CCNA2: variants seen among roughly 807,000 people sequenced by gnomAD.
CCNA2 encodes cyclin-A2.
CCNA2 carries 3 observed loss-of-function variants against 49.4 expected under a neutral mutation model. The observed-to-expected ratio is 0.06, with a 90% CI of 0.03 to 0.16. CCNA2 has a LOEUF of 0.16. CCNA2 is among the 10% of genes least tolerant of loss of function. CCNA2 has a pLI of 1.00. For synonymous variants in CCNA2, 206 were observed against 197.2 expected (o/e 1.04, Z -0.37); for missense variants, 372 against 519.7 (o/e 0.72, Z 2.76).
In CCNA2 at chr4:121,820,865, T is replaced by C; in HGVS notation, c.571-100A>G. 3.2e-6 allele frequency: 4 copies of C among 1,237,934 alleles called. No individual in the cohort carries two copies. The South Asian group carries it at 5.5e-5, about 17-fold the overall frequency. 76.7% of individuals were successfully genotyped at this position (1,237,934 alleles called of 1,614,324 possible). A position where few individuals can be genotyped will look rare whatever the true frequency, so the allele number is the denominator to read the frequency against. ...TACGAGAGGCTACATGCTATAAACT[T>C]AACTGTAGCATTAGAATAATTCATT... is the stretch of plus-strand genomic sequence containing the variant. On this transcript the variant is annotated intron_variant, in intron 3 of 7. Transcript: ENST00000274026. The surrounding 1 kb of genome is among the most constrained non-coding windows in gnomAD (Gnocchi z 4.1).
chr4:121,822,325 A>T (rs1291382954), intron 2 of CCNA2, 78 bp downstream of exon 2: 1 of 1,414,134 alleles, frequency 7.1e-7, no homozygotes, highest in African/African-American at 1.4e-5. Context: ...TACATAAGAC[A>T]TCTTAAAATG....
Position 121,819,416 on chromosome 4 carries a change from G to A in CCNA2, c.958C>T (p.Leu320=). 1.2e-6 allele frequency: 2 copies of A among 1,614,112 alleles called. No homozygotes were observed. Among genetic ancestry groups the A allele is most frequent in the Non-Finnish European group, 1.7e-6 (2 of 1,179,990 alleles). ...TVNQFLTQYF[L]HQQPANCKVE... is the part of the protein sequence containing the mutation. ...TTGCAGTTTGCAGGCTGCTGATGCA[G>A]AAAGTATTGGGTAAGAAACTGATTT... The change falls in exon 5 of 8, where the codon CTG becomes TTG. Residue 320 remains leucine (L), a synonymous_variant. Transcript: ENST00000274026.
In CCNA2 at chr4:121,816,976, G is replaced by GT. The variant is rs1724544863; in HGVS notation, c.*661dup. 5.7e-6 allele frequency: 6 copies of GT among 1,055,688 alleles called. No homozygotes were observed. The highest frequency in any genetic ancestry group is 2.2e-5 in the South Asian group (1 of 45,998). 65.4% of individuals were successfully genotyped at this position (1,055,688 alleles called of 1,614,324 possible). A position where few individuals can be genotyped will look rare whatever the true frequency, so the allele number is the denominator to read the frequency against. On this transcript the variant is annotated 3_prime_UTR_variant, in exon 8 of 8. Coordinates refer to ENST00000274026, the MANE Select transcript of CCNA2 (RefSeq NM_001237.5). ...AAAATCTAGCAGGATTTTAAAAATA[G>GT]TTTTTTGTTTTTAATGTGCTTTAAA...
At position 121,823,799 on chromosome 4, in the gene CCNA2, G is replaced by T; in HGVS notation, c.-171C>A. The T allele has an allele frequency of 7.8e-7, 1 of 1,281,614 alleles. No individual in the cohort carries two copies. Among genetic ancestry groups the T allele is most frequent in the Non-Finnish European group, 1.0e-6 (1 of 968,520 alleles). 79.4% of individuals were successfully genotyped at this position (1,281,614 alleles called of 1,614,324 possible). ...GCTCACCCAGCTCGAGACCACGCAGGGCCGAGGAGGTTGCGAAAGGCGCAG... is the reference window on the plus strand; with the variant it reads ...GCTCACCCAGCTCGAGACCACGCAGTGCCGAGGAGGTTGCGAAAGGCGCAG... On this transcript the variant is annotated 5_prime_UTR_variant, in exon 1 of 8. Coordinates refer to ENST00000274026, the MANE Select transcript of CCNA2 (RefSeq NM_001237.5).
Position 121,820,015 on chromosome 4 carries a change from G to A in CCNA2, c.795-436C>T, listed in dbSNP as rs923088491. Reference sequence around the variant, plus strand: ...GAGTGCAGTGGTGCAATCTTAGCTCGCTGCAACTTCCACCTCCTGGGTTCA... The same window carrying A: ...GAGTGCAGTGGTGCAATCTTAGCTCACTGCAACTTCCACCTCCTGGGTTCA... On this transcript the variant is annotated intron_variant, in intron 4 of 7. Coordinates refer to ENST00000274026, the MANE Select transcript of CCNA2 (RefSeq NM_001237.5). This position sits in a 1 kb window ranked among gnomAD's most constrained non-coding sequence, Gnocchi z 4.1. Among the ~76,000 whole-genome samples, 6 of 146,674 alleles carry A rather than the reference G, an allele frequency of 4.1e-5. No individual in the cohort carries two copies. The highest frequency in any genetic ancestry group is 2.8e-4 in the Admixed American group (4 of 14,178).
At chr4:121,817,805 T>G in intron 7 of CCNA2, 119 bp from the exon 8 acceptor site, 1 of 1,393,098 alleles carries the variant, frequency 7.2e-7, no homozygotes, top group Middle Eastern at 2.2e-4. Flanking sequence ...TCTGACCGAC[T>G]TGATGGTTTT....
rs1472939216 is a variant in CCNA2 at position 121,820,845 on chromosome 4, G to GA, written c.571-81dup. ...TAGATTATTTTACCATTAATTACGA[G>GA]AGGCTACATGCTATAAACTTAACTG... On this transcript the variant is annotated intron_variant, in intron 3 of 7. Coordinates refer to ENST00000274026, the MANE Select transcript of CCNA2 (RefSeq NM_001237.5). This position sits in a 1 kb window ranked among gnomAD's most constrained non-coding sequence, Gnocchi z 4.1. 7 of 1,233,666 alleles carry GA rather than the reference G, an allele frequency of 5.7e-6. No homozygotes were observed. Among genetic ancestry groups the GA allele is most frequent in the Non-Finnish European group, 8.1e-6 (7 of 860,352 alleles). The allele number at this position is 1,233,666 out of a possible 1,614,324, so 76.4% of individuals were successfully genotyped here. A position where few individuals can be genotyped will look rare whatever the true frequency, so the allele number is the denominator to read the frequency against.
chr4:121,821,578 T>C (rs1724693120), intron 2 of CCNA2, among the ~76,000 whole-genome samples: 1 of 152,236 alleles, frequency 6.6e-6, no homozygotes, highest in Non-Finnish European at 1.5e-5. Context: ...TTAGGTTTGT[T>C]ATGGGCAAAT....
chr4:121,820,794 A>G lies in CCNA2; in HGVS notation c.571-29T>C. On this transcript the variant is annotated intron_variant, in intron 3 of 7. Coordinates refer to ENST00000274026, the MANE Select transcript of CCNA2 (RefSeq NM_001237.5). The surrounding 1 kb of genome is among the most constrained non-coding windows in gnomAD (Gnocchi z 4.1). ...TTGAGAAAATTATTTATAGTGTTAA[A>G]ATTATTCTAGTGTAAAAACTGCAAT... The G allele has an allele frequency of 6.7e-7, 1 of 1,498,960 alleles. No individual in the cohort carries two copies. Among genetic ancestry groups the G allele is most frequent in the Non-Finnish European group, 9.2e-7 (1 of 1,085,160 alleles). 92.9% of individuals were successfully genotyped at this position (1,498,960 alleles called of 1,614,324 possible). A position where few individuals can be genotyped will look rare whatever the true frequency, so the allele number is the denominator to read the frequency against.
chr4:121,817,938 A>C, intron 7 of CCNA2, 106 bp downstream of exon 7: 3 of 1,184,896 alleles, frequency 2.5e-6, no homozygotes, highest in Non-Finnish European at 3.6e-6. Context: ...TTTAGAGAAC[A>C]GCTTCTCAAG....
intron 4 of CCNA2, 151 bp from the exon 5 acceptor site, chr4:121,819,730 CTG>C (rs1724640116): frequency 1.6e-6 from 1 of 615,578 alleles, no homozygotes; most frequent in Non-Finnish European, 2.9e-6. Context: ...CTAGTAGAGA[CTG>C]GATAGCTAAT....
chr4:121,819,392 T>C lies in CCNA2; in HGVS notation c.982A>G (p.Lys328Glu), dbSNP rs763330345. 14 of 1,613,752 alleles carry C rather than the reference T, an allele frequency of 8.7e-6. No individual in the cohort carries two copies. The highest frequency in any genetic ancestry group is 1.7e-5 in the Admixed American group (1 of 60,006). Residue 328 changes from lysine to glutamate, a missense_variant, in exon 5 of 8, where the codon AAA becomes GAA. By Grantham distance (56) the Lys-to-Glu change is moderately conservative. Coordinates refer to ENST00000274026, the MANE Select transcript of CCNA2 (RefSeq NM_001237.5). ...CTCACCATTGCTAAACTTTCAACTT[T>C]GCAGTTTGCAGGCTGCTGATGCAGA... Reference protein sequence around the residue: ...YFLHQQPANCKVESLAMFLGE... With the variant: ...YFLHQQPANCEVESLAMFLGE...
chr4:121,817,053 C>T lies in CCNA2; in HGVS notation c.*585G>A, dbSNP rs1724548772. The stretch of plus-strand genomic sequence containing the variant: ...GTCTGTTAATTTGCATATAAGCTTC[C>T]CACCCTCTTCCACTCCCAACCTCTG... On this transcript the variant is annotated 3_prime_UTR_variant, in exon 8 of 8. Transcript: ENST00000274026. 7.6e-6 allele frequency: 4 copies of T among 528,908 alleles called. No homozygotes were observed. The East Asian group carries it at 1.4e-4, about 18-fold the overall frequency. 32.8% of individuals were successfully genotyped at this position (528,908 alleles called of 1,614,324 possible).
chr4:121,817,383 C>T lies in CCNA2; in HGVS notation c.*255G>A. 1 of 356,186 alleles carries T rather than the reference C, an allele frequency of 2.8e-6. No homozygotes were observed. Among genetic ancestry groups the T allele is most frequent in the Non-Finnish European group, 5.0e-6 (1 of 200,580 alleles). The allele number at this position is 356,186 out of a possible 1,614,324, so 22.1% of individuals were successfully genotyped here. A position where few individuals can be genotyped will look rare whatever the true frequency, so the allele number is the denominator to read the frequency against. ...ATTTGACTTGCAAAGTTTTCCAAAT[C>T]AATTTATTATCCTGACAGCTGGCAT... On this transcript the variant is annotated 3_prime_UTR_variant, in exon 8 of 8. Coordinates refer to ENST00000274026, the MANE Select transcript of CCNA2 (RefSeq NM_001237.5).
At position 121,823,730 on chromosome 4, in the gene CCNA2, A is replaced by C; in HGVS notation, c.-102T>G. ...ACCGACCCGGCCAAAGAATAGTCGT[A>C]GCCGCCGGTCGCAGCCCAGGCCAGC... is the stretch of plus-strand genomic sequence containing the variant. On this transcript the variant is annotated 5_prime_UTR_variant, in exon 1 of 8. Transcript: ENST00000274026. 9 of 1,450,726 alleles carry C rather than the reference A, an allele frequency of 6.2e-6. No homozygotes were observed. The highest frequency in any genetic ancestry group is 8.1e-6 in the Non-Finnish European group (9 of 1,104,776). 89.9% of individuals were successfully genotyped at this position (1,450,726 alleles called of 1,614,324 possible). A position where few individuals can be genotyped will look rare whatever the true frequency, so the allele number is the denominator to read the frequency against.
In CCNA2 at chr4:121,817,228, G is replaced by GA; in HGVS notation, c.*409dup. On this transcript the variant is annotated 3_prime_UTR_variant, in exon 8 of 8. Coordinates refer to ENST00000274026, the MANE Select transcript of CCNA2 (RefSeq NM_001237.5). ...TCAGCAAATTGATCCAGTTGCTTAG[G>GA]AAAATGAATGTCAGAATTTGAGGGT... 4.5e-6 allele frequency: 1 copy of GA among 224,616 alleles called. No homozygotes were observed. Among genetic ancestry groups the GA allele is most frequent in the Non-Finnish European group, 8.7e-6 (1 of 115,178 alleles). The allele number at this position is 224,616 out of a possible 1,614,324, so 13.9% of individuals were successfully genotyped here.
chr4:121,818,973 G>T, intron 5 of CCNA2, 60 bp from the exon 6 acceptor site: 1 of 1,104,634 alleles, frequency 9.1e-7, no homozygotes, highest in Non-Finnish European at 1.4e-6. Context: ...TCAAACCTCT[G>T]CCTTCTAACC....
chr4:121,819,980 G>A (rs1253170139), intron 4 of CCNA2, among the ~76,000 whole-genome samples: 5 of 139,162 alleles, frequency 3.6e-5, no homozygotes, highest in East Asian at 2.1e-4. Flanking sequence ...TTGCTCTGTC[G>A]CCCAGGCCAG....
chr4:121,819,539 C>T lies in CCNA2; in HGVS notation c.835G>A (p.Val279Met). The part of the protein sequence containing the change: ...EIYPPEVAEF[V>M]YITDDTYTKK... ...GTGTAGGTATCATCTGTAATGTACA[C>T]AAACTCTGCTACTTCTGGGGGGTAT... Residue 279 changes from valine (V) to methionine (M), a missense_variant, in exon 5 of 8, where the codon GTG becomes ATG. Physicochemically the swap from Val to Met is conservative, Grantham distance 21. Transcript: ENST00000274026. 1 of 1,613,918 alleles carries T rather than the reference C, an allele frequency of 6.2e-7. No individual in the cohort carries two copies. Among genetic ancestry groups the T allele is most frequent in the Non-Finnish European group, 8.5e-7 (1 of 1,179,830 alleles).
Sources: gnomAD v4.1 joint callset for allele counts (sites outside exome capture counted in the v4.1 genomes callset) on GRCh38, gnomAD v4.1.1 for gene constraint, Gnocchi (gnomAD v3.1) non-coding constraint, MANE v1.5 for transcripts, NCBI Gene and HGNC (gene_info 2026-07-23, HGNC 2026-07-21) for gene names.